Variants in WDR70 observed in about 807,000 individuals in gnomAD.
The protein encoded by WDR70 is WD repeat-containing protein 70.
WDR70 carries 53 observed loss-of-function variants against 88.6 expected under a neutral mutation model. The observed-to-expected ratio is 0.60, with a 90% confidence interval of 0.48 to 0.75. The LOEUF (loss-of-function observed/expected upper bound fraction) is 0.75, where lower values mean the gene tolerates loss of function less well. Among genes scored for constraint, WDR70 ranks in the 30% least tolerant of loss-of-function variants. The pLI is 0.00. For synonymous variants in WDR70, 280 were observed against 270.0 expected (o/e 1.04, Z -0.36); for missense variants, 610 against 823.2 (o/e 0.74, Z 3.17).
intron 10 of WDR70, among the ~76,000 whole-genome samples, chr5:37,628,526 A>G (rs1404289857): frequency 6.6e-6 from 1 of 152,178 alleles, no homozygotes; most frequent in East Asian, 1.9e-4. Flanking sequence ...ACATAAGCAT[A>G]GCTACTCCTG....
At chr5:37,593,602 A>G (rs940264098) in intron 9 of WDR70, among the ~76,000 whole-genome samples, 4 of 152,246 alleles carry the variant, frequency 2.6e-5, no homozygotes, top group Admixed American at 6.5e-5. Flanking sequence ...TAGTGCCACA[A>G]TAAACATATG....
At chr5:37,472,663 A>AT (rs1360724001) in intron 7 of WDR70, among the ~76,000 whole-genome samples, 1 of 151,720 alleles carries the variant, frequency 6.6e-6, no homozygotes, top group Non-Finnish European at 1.5e-5. Flanking sequence ...TGCCCTGTTA[A>AT]TTTTTTTGTA....
At chr5:37,515,857 G>C (rs1326792745) in intron 8 of WDR70, among the ~76,000 whole-genome samples, 3 of 152,158 alleles carry the variant, frequency 2.0e-5, no homozygotes, top group African/African-American at 7.2e-5. Flanking sequence ...ATATATGTGT[G>C]TGTTTATGTT....
intron 5 of WDR70, among the ~76,000 whole-genome samples, chr5:37,433,554 A>G (rs1581274515): frequency 6.6e-6 from 1 of 152,194 alleles, no homozygotes; most frequent in East Asian, 1.9e-4. Flanking sequence ...TTATATAAAA[A>G]TGGCATAGTG....
chr5:37,617,572 C>G (rs1395536163), intron 10 of WDR70, among the ~76,000 whole-genome samples: 1 of 152,142 alleles, frequency 6.6e-6, no homozygotes, highest in African/African-American at 2.4e-5. Flanking sequence ...GTAATCTATG[C>G]CTTGCCTAAG....
At chr5:37,613,703 T>C (rs1263071426) in intron 10 of WDR70, among the ~76,000 whole-genome samples, 1 of 152,190 alleles carries the variant, frequency 6.6e-6, no homozygotes, top group Non-Finnish European at 1.5e-5. Flanking sequence ...ATTATTGCAC[T>C]TACTAAGTAC....
chr5:37,431,648 A>G (rs966868445), intron 5 of WDR70, among the ~76,000 whole-genome samples: 3 of 152,200 alleles, frequency 2.0e-5, no homozygotes, highest in Non-Finnish European at 4.4e-5. Flanking sequence ...TTATTGTACA[A>G]TCAATCCCCA....
intron 10 of WDR70, among the ~76,000 whole-genome samples, chr5:37,640,727 A>T (rs1471634853): frequency 3.3e-5 from 5 of 152,214 alleles, no homozygotes; most frequent in Non-Finnish European, 7.3e-5. Flanking sequence ...CCAGTCATTT[A>T]AAGGAGAAAA....
At chr5:37,483,473 A>G (rs1739738683) in intron 8 of WDR70, among the ~76,000 whole-genome samples, 1 of 152,240 alleles carries the variant, frequency 6.6e-6, no homozygotes, top group South Asian at 2.1e-4. Flanking sequence ...TTAGTACAGA[A>G]CAAAATGAAG....
chr5:37,486,488 C>T (rs10074600), intron 8 of WDR70, among the ~76,000 whole-genome samples: 3,189 of 92,546 alleles, frequency 0.034, 89 homozygotes, highest in African/African-American at 0.082. Context: ...GGATTACAGG[C>T]GCCCGACACC....
chr5:37,444,689 C>A (rs1738404429), intron 7 of WDR70, among the ~76,000 whole-genome samples: 1 of 152,230 alleles, frequency 6.6e-6, no homozygotes, highest in African/African-American at 2.4e-5. Context: ...GATCTTCTGG[C>A]ATATTGCTTT....
chr5:37,487,195 A>G (rs1354539670), intron 8 of WDR70, among the ~76,000 whole-genome samples: 3 of 152,174 alleles, frequency 2.0e-5, no homozygotes, highest in African/African-American at 7.2e-5. Context: ...CTTCAAAATC[A>G]TGGCTTATAT....
intron 17 of WDR70, 146 bp downstream of exon 17, chr5:37,727,191 A>T (rs1472866152): frequency 1.0e-6 from 1 of 981,678 alleles, no homozygotes; most frequent in East Asian, 2.8e-5. Flanking sequence ...ATGGTCTTTA[A>T]ACCTAGGCAT....
chr5:37,519,747 A>G (rs1231338952), intron 9 of WDR70, among the ~76,000 whole-genome samples: 1 of 152,254 alleles, frequency 6.6e-6, no homozygotes, highest in Non-Finnish European at 1.5e-5. Context: ...GAGAGCACAG[A>G]TATCTTTTCG....
At chr5:37,619,917 G>GTTTTTTTTTTTTTTTTTTTTTTTTTTT (rs35802405) in intron 10 of WDR70, 1 of 120,092 alleles carries the variant, frequency 8.3e-6, no homozygotes, top group Non-Finnish European at 1.7e-5. Context: ...TATTTACCAG[G>GTTTTTTTTTTTTTTTTTTTTTTTTTTT]TTTTTTTTTT....
At chr5:37,526,246 C>T (rs1469837116) in intron 9 of WDR70, among the ~76,000 whole-genome samples, 3 of 152,140 alleles carry the variant, frequency 2.0e-5, no homozygotes, top group Admixed American at 6.5e-5. Context: ...AAAATACTGA[C>T]AAACCGAATC....
At chr5:37,695,433 T>C (rs868864356) in intron 10 of WDR70, among the ~76,000 whole-genome samples, 64 of 152,248 alleles carry the variant, frequency 4.2e-4, no homozygotes, top group Middle Eastern at 3.4e-3. Context: ...ATGCCTTTGG[T>C]TTCTCACATT....
chr5:37,572,505 A>G (rs2112407127), intron 9 of WDR70, among the ~76,000 whole-genome samples: 1 of 152,226 alleles, frequency 6.6e-6, no homozygotes, highest in East Asian at 1.9e-4. Flanking sequence ...GTATTGTATT[A>G]TGGTGAAGTC....
In WDR70 at chr5:37,571,034, A is replaced by G. The variant is rs182539677; in HGVS notation, c.918-34030A>G. ...GTATGATTTTTTTTTTAGGACTGGCATCTTGTGTTACTCATCTTTTTATTC... is the reference window on the plus strand; with the variant it reads ...GTATGATTTTTTTTTTAGGACTGGCGTCTTGTGTTACTCATCTTTTTATTC... On this transcript the variant is annotated intron_variant, in intron 9 of 17. Coordinates refer to ENST00000265107, the MANE Select transcript of WDR70 (RefSeq NM_018034.4). 1.9e-3 allele frequency among the ~76,000 whole-genome samples: 292 copies of G among 152,130 alleles called. 2 individuals are homozygous for G. The highest frequency in any genetic ancestry group is 3.6e-3 in the Non-Finnish European group (247 of 67,976).
Sources: allele counts gnomAD v4.1 joint callset (sites outside exome capture counted in the v4.1 genomes callset), GRCh38; gene constraint gnomAD v4.1.1; transcripts MANE v1.5; gene names NCBI Gene and HGNC (gene_info 2026-07-23, HGNC 2026-07-21).